Variants in PAQR5 observed in about 807,000 individuals in gnomAD.
PAQR5 encodes the protein membrane progestin receptor gamma.
Under a neutral mutation model 34.5 loss-of-function variants are expected in PAQR5, and 20 were observed. That is an observed-to-expected ratio of 0.58 (90% CI 0.41 to 0.84). The LOEUF is 0.84. Among genes scored for constraint, PAQR5 ranks in the 40% least tolerant of loss-of-function variants. The pLI is 0.00. For missense variants in PAQR5, 378 were observed against 412.7 expected (o/e 0.92, Z 0.73); for synonymous variants, 131 against 155.6 (o/e 0.84, Z 1.18).
intron 2 of PAQR5, among the ~76,000 whole-genome samples, chr15:69,354,732 T>C (rs754642581): frequency 1.3e-5 from 2 of 152,176 alleles, no homozygotes; most frequent in Non-Finnish European, 2.9e-5. Flanking sequence ...TTTCTGGGTG[T>C]GTCTGCGAGG....
intron 3 of PAQR5, among the ~76,000 whole-genome samples, chr15:69,360,646 A>G (rs1419644724): frequency 6.6e-6 from 1 of 152,178 alleles, no homozygotes; most frequent in East Asian, 1.9e-4. Flanking sequence ...GTACCCTGAA[A>G]TATGTGAGAC....
chr15:69,300,995 C>CTTTCTTTCTTTCTTTCTTTCTTTG (rs2140503268), intron 1 of PAQR5, among the ~76,000 whole-genome samples: 1 of 108,402 alleles, frequency 9.2e-6, no homozygotes, highest in East Asian at 2.5e-4. Context: ...TTCTTTCTTT[C>CTTTCTTTCTTTCTTTCTTTCTTTG]TTTCTTTCTT....
chr15:69,332,214 T>G (rs538738784), intron 1 of PAQR5, among the ~76,000 whole-genome samples: 344 of 152,344 alleles, frequency 2.3e-3, no homozygotes, highest in African/African-American at 7.4e-3. Flanking sequence ...TGTTTTTCTT[T>G]GTTCTGTAAT....
intron 5 of PAQR5, among the ~76,000 whole-genome samples, chr15:69,386,524 A>G (rs2056113828): frequency 1.3e-5 from 2 of 151,750 alleles, no homozygotes; most frequent in South Asian, 4.2e-4. Flanking sequence ...GGGGTCCTTC[A>G]GGCCTCCTCA....
At chr15:69,380,620 G>T (rs796803999) in intron 4 of PAQR5, among the ~76,000 whole-genome samples, 1 of 152,168 alleles carries the variant, frequency 6.6e-6, no homozygotes, top group Non-Finnish European at 1.5e-5. Context: ...CCAGGGAAGC[G>T]AAGAGGGGCC....
chr15:69,328,581 G>A (rs2054305866), intron 1 of PAQR5, among the ~76,000 whole-genome samples: 1 of 152,158 alleles, frequency 6.6e-6, no homozygotes, highest in African/African-American at 2.4e-5. Flanking sequence ...AGGCTTGGGG[G>A]CAGGCCTGCA....
At chr15:69,398,471 A>C (rs2056522397) in intron 7 of PAQR5, among the ~76,000 whole-genome samples, 2 of 152,144 alleles carry the variant, frequency 1.3e-5, no homozygotes, top group African/African-American at 4.8e-5. Flanking sequence ...AAAACAATGG[A>C]TCTGATAGGC....
At chr15:69,402,248 G>A (rs370171447) in intron 8 of PAQR5, among the ~76,000 whole-genome samples, 19 of 151,904 alleles carry the variant, frequency 1.3e-4, no homozygotes, top group Non-Finnish European at 2.5e-4. Context: ...GTCGATGGCC[G>A]TTCTTTCCAA....
chr15:69,362,833 C>T (rs1043655891), intron 3 of PAQR5, among the ~76,000 whole-genome samples: 1 of 152,172 alleles, frequency 6.6e-6, no homozygotes, highest in Non-Finnish European at 1.5e-5. Flanking sequence ...CCGGCTCCCT[C>T]GCCTGCTGTT....
intron 3 of PAQR5, among the ~76,000 whole-genome samples, chr15:69,368,807 C>T (rs1179680330): frequency 6.6e-6 from 1 of 151,982 alleles, no homozygotes; most frequent in Non-Finnish European, 1.5e-5. Context: ...GCTCTGTCAC[C>T]CAGGCTGGAG....
At chr15:69,389,061 A>G (rs1567037349) in intron 5 of PAQR5, among the ~76,000 whole-genome samples, 1 of 152,188 alleles carries the variant, frequency 6.6e-6, no homozygotes, top group Non-Finnish European at 1.5e-5. Flanking sequence ...ACACAACGCA[A>G]CACCCAACCT....
At chr15:69,346,506 C>T (rs1172472358) in intron 2 of PAQR5, among the ~76,000 whole-genome samples, 1 of 151,580 alleles carries the variant, frequency 6.6e-6, no homozygotes, top group Non-Finnish European at 1.5e-5. Flanking sequence ...CACTATGTTG[C>T]CCAGGCTGGT....
At chr15:69,351,662 C>T (rs977143087) in intron 2 of PAQR5, among the ~76,000 whole-genome samples, 1 of 152,172 alleles carries the variant, frequency 6.6e-6, no homozygotes, top group East Asian at 1.9e-4. Flanking sequence ...TGGCCCATTA[C>T]ATTGATGGTG....
At chr15:69,316,281 A>G (rs995465100) in intron 1 of PAQR5, among the ~76,000 whole-genome samples, 11 of 152,180 alleles carry the variant, frequency 7.2e-5, no homozygotes, top group African/African-American at 1.2e-4. Flanking sequence ...GGGTTTTGCC[A>G]TGTTGGCTAG....
rs2056763133 is a variant in PAQR5, at chr15:69,407,583, G to C, written c.*3761G>C. The C allele has an allele frequency of 6.6e-6, 1 of 152,122 alleles. No homozygotes were observed. The highest frequency in any genetic ancestry group is 1.5e-5 in the Non-Finnish European group (1 of 68,034). The allele number at this position is 152,122 out of a possible 1,614,324, so 9.4% of individuals were successfully genotyped here. On this transcript the variant is annotated 3_prime_UTR_variant, in exon 9 of 9. Transcript: ENST00000395407. ...CAGATGTTCTCCAACTTACACTAAT[G>C]TCTGGTTTTCTTGAACTATGTGAGA...
chr15:69,381,896 C>T (rs1201971310), intron 4 of PAQR5, among the ~76,000 whole-genome samples: 1 of 152,122 alleles, frequency 6.6e-6, no homozygotes, highest in Non-Finnish European at 1.5e-5. Flanking sequence ...GAGTCTCCTC[C>T]CTTGGAGGAG....
Position 69,403,546 on chromosome 15 carries a change from T to G in PAQR5, c.752-35T>G, listed in dbSNP as rs761950629. On this transcript the variant is annotated intron_variant, in intron 8 of 8. Coordinates refer to ENST00000395407, the MANE Select transcript of PAQR5 (RefSeq NM_017705.4). ...ATGTATCAGTACTCATTCCTTTTCA[T>G]TGCTGATCTTGACGGCCTTTTGTGT... 10 of 1,609,802 alleles carry G rather than the reference T, an allele frequency of 6.2e-6. No homozygotes were observed. The African/African-American group carries it at 8.0e-5, about 13-fold the overall frequency.
intron 1 of PAQR5, among the ~76,000 whole-genome samples, chr15:69,309,704 A>G (rs2053789331): frequency 6.6e-6 from 1 of 152,090 alleles, no homozygotes; most frequent in Admixed American, 6.6e-5. Context: ...CCTGCGTCTT[A>G]ATTTTTCCAC....
chr15:69,319,170 TATATATATATATATATATATATATA>T lies in PAQR5; in HGVS notation c.-276-18170_-276-18146del, dbSNP rs2054029899. Among the ~76,000 whole-genome samples the T allele has an allele frequency of 4.7e-3, 637 of 135,182 alleles. 16 individuals are homozygous for T. The highest frequency in any genetic ancestry group is 0.018 in the African/African-American group (601 of 33,692). 88.7% of individuals were successfully genotyped at this position (135,182 alleles called of 152,430 possible). On this transcript the variant is annotated intron_variant, in intron 1 of 8. Transcript: ENST00000395407. ...ATATAAATATATACATATATATATATATATATATATATATATATATATATATATATATATATATATATGAATGTGG... is the reference window on the plus strand; with the variant it reads ...ATATAAATATATACATATATATATATTATATATATATATATATGAATGTGG...
Sources: gnomAD v4.1 joint callset for allele counts (sites outside exome capture counted in the v4.1 genomes callset) on GRCh38, gnomAD v4.1.1 for gene constraint, MANE v1.5 for transcripts, NCBI Gene and HGNC (gene_info 2026-07-23, HGNC 2026-07-21) for gene names.